Variants in OIP5 observed in about 807,000 individuals in gnomAD.
The protein encoded by OIP5 is Opa interacting protein 5, also known as protein Mis18-beta.
OIP5 carries 24 observed loss-of-function variants against 20.3 expected under a neutral mutation model. The ratio of observed to expected loss-of-function variants is 1.18; its 90% CI spans 0.86 to 1.66. OIP5 has a LOEUF of 1.66. OIP5 is among the 40% of genes most tolerant of loss of function. The pLI is 0.00. For missense variants in OIP5, 339 were observed against 289.5 expected (o/e 1.17, Z -1.24); for synonymous variants, 143 against 121.3 (o/e 1.18, Z -1.17).
At chr15:41,331,409 TAAG>T (rs1200930912) in intron 2 of OIP5, among the ~76,000 whole-genome samples, 1 of 152,130 alleles carries the variant, frequency 6.6e-6, no homozygotes. Context: ...GGCAACATAC[TAAG>T]GCCTCTACAA....
intron 2 of OIP5, among the ~76,000 whole-genome samples, chr15:41,321,537 AAAG>A (rs1247906083): frequency 6.6e-6 from 1 of 152,182 alleles, no homozygotes; most frequent in Admixed American, 6.5e-5. Flanking sequence ...GTCTGTGTAG[AAAG>A]AAGTAGACAT....
chr15:41,322,406 G>T (rs574312716), intron 2 of OIP5, among the ~76,000 whole-genome samples: 16 of 152,042 alleles, frequency 1.1e-4, no homozygotes, highest in African/African-American at 3.6e-4. Flanking sequence ...AGTTTTTTTT[G>T]GTTTTTTTTT....
At position 41,332,528 on chromosome 15, in the gene OIP5, A is replaced by T. The variant is rs750730798; in HGVS notation, c.34T>A (p.Cys12Ser). ...AAGTCCCCCCGGGGCGGCGTTGCAC[A>T]ACGTGAGCGATGCCGCAGCGGCTGA... ...AAQPLRHRSR[C>S]ATPPRGDFCG... is the part of the protein sequence containing the mutation. Residue 12 changes from cysteine to serine, a missense_variant, in exon 1 of 5, where the codon TGT becomes AGT. Transcript: ENST00000220514. The T allele has an allele frequency of 1.2e-5, 20 of 1,611,496 alleles. No homozygotes were observed. The highest frequency in any genetic ancestry group is 1.7e-5 in the Non-Finnish European group (20 of 1,178,948).
intron 3 of OIP5, among the ~76,000 whole-genome samples, chr15:41,313,693 G>A (rs2047773108): frequency 6.6e-6 from 1 of 151,998 alleles, no homozygotes; most frequent in Non-Finnish European, 1.5e-5. Flanking sequence ...CATTACGTTA[G>A]CTGTCATAAG....
intron 2 of OIP5, among the ~76,000 whole-genome samples, chr15:41,330,193 C>T (rs1264477876): frequency 1.3e-5 from 2 of 151,956 alleles, no homozygotes; most frequent in Admixed American, 6.6e-5. Flanking sequence ...CGGGTTCAAG[C>T]GATTCTCCCT....
chr15:41,326,770 C>G (rs2047864446), intron 2 of OIP5, among the ~76,000 whole-genome samples: 1 of 152,140 alleles, frequency 6.6e-6, no homozygotes, highest in Non-Finnish European at 1.5e-5. Flanking sequence ...ACGTCTCTAA[C>G]CATCCGTGCT....
chr15:41,331,604 G>A (rs2047914836), intron 2 of OIP5, among the ~76,000 whole-genome samples: 2 of 152,024 alleles, frequency 1.3e-5, no homozygotes, highest in Non-Finnish European at 2.9e-5. Flanking sequence ...ATATCTAAAA[G>A]GATTGTAGTT....
At chr15:41,310,686 C>T (rs1208519991) in intron 4 of OIP5, among the ~76,000 whole-genome samples, 1 of 148,252 alleles carries the variant, frequency 6.7e-6, no homozygotes, top group African/African-American at 2.5e-5. Flanking sequence ...AAAGACAAAA[C>T]ATTGCTGAGC....
intron 2 of OIP5, among the ~76,000 whole-genome samples, chr15:41,326,585 G>A (rs1248661293): frequency 3.3e-5 from 5 of 152,148 alleles, no homozygotes; most frequent in African/African-American, 7.2e-5. Flanking sequence ...GCACCACCAC[G>A]CTTGGCTAAT....
chr15:41,313,311 C>T lies in OIP5; in HGVS notation c.556G>A (p.Asp186Asn), dbSNP rs1230475058. The change falls in exon 4 of 5, where the codon GAT (aspartate) becomes AAT (asparagine). Residue 186 changes from aspartate (D) to asparagine (N), a missense_variant. Asp to Asn is a conservative substitution (Grantham distance 23, BLOSUM62 1). Coordinates refer to ENST00000220514, the MANE Select transcript of OIP5 (RefSeq NM_007280.2). ...TCTGATAGAGGAACATTTTGAATAT[C>T]CATCTCTGATGCATTTACTATGGCT... ...TKAIVNASEM[D>N]IQNVPLSEKI... 1 of 1,605,652 alleles carries T rather than the reference C, an allele frequency of 6.2e-7. No homozygotes were observed. Among genetic ancestry groups the T allele is most frequent in the Non-Finnish European group, 8.5e-7 (1 of 1,175,970 alleles).
At chr15:41,318,730 T>G (rs2047803838) in intron 3 of OIP5, among the ~76,000 whole-genome samples, 1 of 144,744 alleles carries the variant, frequency 6.9e-6, no homozygotes, top group Non-Finnish European at 1.5e-5. Flanking sequence ...TTTTTTTTTT[T>G]GTCACCCAAA....
chr15:41,313,879 T>C (rs1316555817), intron 3 of OIP5, among the ~76,000 whole-genome samples: 1 of 152,226 alleles, frequency 6.6e-6, no homozygotes, highest in South Asian at 2.1e-4. Flanking sequence ...CTGCATTTTC[T>C]TGGAAAAACA....
intron 4 of OIP5, among the ~76,000 whole-genome samples, chr15:41,311,337 C>A (rs1186860223): frequency 6.6e-6 from 1 of 152,012 alleles, no homozygotes; most frequent in African/African-American, 2.4e-5. Context: ...CGCTTGAACC[C>A]GGGAGGAGGG....
At chr15:41,312,528 C>T (rs2047762616) in intron 4 of OIP5, among the ~76,000 whole-genome samples, 1 of 151,924 alleles carries the variant, frequency 6.6e-6, no homozygotes. Context: ...GGCGCAGTCT[C>T]GGCTCACTGC....
rs1230475058 is a variant in OIP5 at position 41,313,311 on chromosome 15, C to G, written c.556G>C (p.Asp186His). Residue 186 changes from aspartate to histidine, a missense_variant, in exon 4 of 5, where the codon GAT becomes CAT. Asp to His is a moderately conservative substitution (Grantham distance 81). Coordinates refer to ENST00000220514, the MANE Select transcript of OIP5 (RefSeq NM_007280.2). The part of the protein sequence containing the change: ...TKAIVNASEM[D>H]IQNVPLSEKI... The stretch of plus-strand genomic sequence containing the variant: ...TCTGATAGAGGAACATTTTGAATAT[C>G]CATCTCTGATGCATTTACTATGGCT... The G allele has an allele frequency of 1.2e-6, 2 of 1,605,652 alleles. No homozygotes were observed. Among genetic ancestry groups the G allele is most frequent in the Non-Finnish European group, 1.7e-6 (2 of 1,175,970 alleles).
chr15:41,310,612 G>C (rs1044199440), intron 4 of OIP5, among the ~76,000 whole-genome samples: 8 of 147,746 alleles, frequency 5.4e-5, no homozygotes, highest in African/African-American at 2.0e-4. Context: ...CTGGGTGACA[G>C]AGCGAGACTC....
chr15:41,314,233 C>T (rs1379673053), intron 3 of OIP5, among the ~76,000 whole-genome samples: 1 of 152,058 alleles, frequency 6.6e-6, no homozygotes, highest in Non-Finnish European at 1.5e-5. Flanking sequence ...TCCCGAGTAG[C>T]TGGGATTACA....
intron 3 of OIP5, among the ~76,000 whole-genome samples, chr15:41,318,422 A>C (rs1205030561): frequency 6.6e-6 from 1 of 152,100 alleles, no homozygotes; most frequent in Non-Finnish European, 1.5e-5. Flanking sequence ...TCAGCCTCCC[A>C]AAGTGCTGGG....
intron 2 of OIP5, among the ~76,000 whole-genome samples, chr15:41,320,533 G>A (rs1199365405): frequency 6.6e-6 from 1 of 152,194 alleles, no homozygotes; most frequent in African/African-American, 2.4e-5. Flanking sequence ...ACCAGCCTCG[G>A]CCTCCCAGGG....
Sources: gnomAD v4.1 joint callset for allele counts (sites outside exome capture counted in the v4.1 genomes callset) on GRCh38, gnomAD v4.1.1 for gene constraint, MANE v1.5 for transcripts, NCBI Gene and HGNC (gene_info 2026-07-23, HGNC 2026-07-21) for gene names.